Variants in MRPL35 observed in about 807,000 individuals in gnomAD.
MRPL35 encodes the protein large ribosomal subunit protein bL35m.
A neutral mutation model predicts 21.6 loss-of-function variants in MRPL35; 18 were observed. That is an observed-to-expected ratio of 0.83 (90% CI 0.58 to 1.24). MRPL35 has a LOEUF of 1.24. MRPL35 is among the 50% of genes most tolerant of loss of function. MRPL35 has a pLI of 0.00. For missense variants in MRPL35, 223 were observed against 223.2 expected (o/e 1.00, Z 0.01); for synonymous variants, 87 against 86.9 (o/e 1.00, Z -0.01).
In MRPL35 at chr2:86,211,347, A is replaced by C. The variant is rs1673898720; in HGVS notation, c.*679A>C. On this transcript the variant is annotated 3_prime_UTR_variant, in exon 4 of 4. Coordinates refer to ENST00000337109, the MANE Select transcript of MRPL35 (RefSeq NM_016622.4). The stretch of plus-strand genomic sequence containing the variant: ...TGCCAAGGGAATTTAACTGGGCCAG[A>C]CTACCTTTTTATACTAGGTCTGGTT... 1.0e-6 allele frequency: 1 copy of C among 962,506 alleles called. No homozygotes were observed. Among genetic ancestry groups the C allele is most frequent in the Non-Finnish European group, 1.2e-6 (1 of 809,286 alleles). The allele number at this position is 962,506 out of a possible 1,614,324, so 59.6% of individuals were successfully genotyped here. A position where few individuals can be genotyped will look rare whatever the true frequency, so the allele number is the denominator to read the frequency against.
rs373345019 is a variant in MRPL35 at position 86,207,173 on chromosome 2, A to G, written c.234-10A>G. ...GATTACAAGCTAAAAATTTTAAAAT[A>G]TATTTTTAGAATGGCCCCCGTGCTT... On this transcript the variant is annotated splice_polypyrimidine_tract_variant and intron_variant, in intron 2 of 3. Coordinates refer to ENST00000337109, the MANE Select transcript of MRPL35 (RefSeq NM_016622.4). 5.5e-5 allele frequency: 87 copies of G among 1,578,430 alleles called. 1 individual carries two copies. In the African/African-American group the frequency reaches 8.8e-4, roughly 16 times the overall value.
At chr2:86,201,981 T>G (rs988363174) in intron 1 of MRPL35, among the ~76,000 whole-genome samples, 1 of 152,238 alleles carries the variant, frequency 6.6e-6, no homozygotes, top group Non-Finnish European at 1.5e-5. Context: ...TGTGAAAACA[T>G]CTGTATTCTC....
intron 3 of MRPL35, among the ~76,000 whole-genome samples, chr2:86,209,388 A>G (rs575638829): frequency 6.6e-6 from 1 of 152,360 alleles, no homozygotes; most frequent in Admixed American, 6.5e-5. Context: ...CCAAGGGCTC[A>G]CCGTGTGGTT....
chr2:86,203,672 G>A (rs1673735110), intron 1 of MRPL35, among the ~76,000 whole-genome samples: 1 of 152,044 alleles, frequency 6.6e-6, no homozygotes, highest in African/African-American at 2.4e-5. Flanking sequence ...TCTGCCATTA[G>A]CATTCATTAA....
chr2:86,201,396 C>T (rs770114162), intron 1 of MRPL35, among the ~76,000 whole-genome samples: 1 of 151,928 alleles, frequency 6.6e-6, no homozygotes, highest in Non-Finnish European at 1.5e-5. Context: ...GATTGTTTGT[C>T]TTATTTATTT....
intron 1 of MRPL35, among the ~76,000 whole-genome samples, chr2:86,203,550 A>G (rs1463569347): frequency 6.6e-6 from 1 of 152,248 alleles, no homozygotes; most frequent in Non-Finnish European, 1.5e-5. Context: ...TCCCATCTCC[A>G]AGATATCTCC....
chr2:86,209,955 C>T (rs1277619902), intron 3 of MRPL35, among the ~76,000 whole-genome samples: 2 of 152,108 alleles, frequency 1.3e-5, no homozygotes, highest in African/African-American at 2.4e-5. Flanking sequence ...CTGCAGTGAC[C>T]GTGATCATGC....
intron 3 of MRPL35, among the ~76,000 whole-genome samples, chr2:86,208,764 A>C (rs1432835021): frequency 2.0e-5 from 3 of 152,160 alleles, no homozygotes; most frequent in Admixed American, 6.5e-5. Flanking sequence ...CTCCAGTCAT[A>C]ATACCTAGCT....
chr2:86,201,411 T>C (rs6547664), intron 1 of MRPL35, among the ~76,000 whole-genome samples: 6,750 of 152,254 alleles, frequency 0.044, 515 homozygotes, highest in African/African-American at 0.15. Context: ...TTATTTAGAG[T>C]ATTTTTTGTT....
In MRPL35 at chr2:86,213,180, A is replaced by G. The variant is rs1312582547; in HGVS notation, c.*2512A>G. On this transcript the variant is annotated 3_prime_UTR_variant, in exon 4 of 4. Coordinates refer to ENST00000337109, the MANE Select transcript of MRPL35 (RefSeq NM_016622.4). ...ATGAAAATTCATATCTAAATCAACA[A>G]GTGACTGTAATCTGGTACTATAAAT... The G allele has an allele frequency of 1.0e-6, 1 of 988,258 alleles. No individual in the cohort carries two copies. Among genetic ancestry groups the G allele is most frequent in the Non-Finnish European group, 1.2e-6 (1 of 831,692 alleles). The allele number at this position is 988,258 out of a possible 1,614,324, so 61.2% of individuals were successfully genotyped here.
chr2:86,208,656 A>G (rs575503890), intron 3 of MRPL35, among the ~76,000 whole-genome samples: 1 of 152,226 alleles, frequency 6.6e-6, no homozygotes, highest in South Asian at 2.1e-4. Flanking sequence ...TTCTAGCCCT[A>G]GGTAAAATGA....
intron 1 of MRPL35, among the ~76,000 whole-genome samples, chr2:86,203,854 C>G (rs1184538994): frequency 6.6e-6 from 1 of 152,118 alleles, no homozygotes; most frequent in Non-Finnish European, 1.5e-5. Flanking sequence ...AATATGAGCC[C>G]AAATCATCTC....
At chr2:86,201,565 TG>T (rs763400107) in intron 1 of MRPL35, among the ~76,000 whole-genome samples, 25 of 152,222 alleles carry the variant, frequency 1.6e-4, no homozygotes, top group Non-Finnish European at 1.8e-4. Context: ...AAATAGATGA[TG>T]TAGGTAGTTA....
rs543769249 is a variant in MRPL35 at position 86,210,328 on chromosome 2, G to A, written c.379-152G>A. 1.4e-4 allele frequency: 10 copies of A among 72,204 alleles called. No individual in the cohort carries two copies. The East Asian group carries it at 3.0e-3, about 22-fold the overall frequency. 4.5% of individuals were successfully genotyped at this position (72,204 alleles called of 1,614,324 possible). On this transcript the variant is annotated intron_variant, in intron 3 of 3. Coordinates refer to ENST00000337109, the MANE Select transcript of MRPL35 (RefSeq NM_016622.4). Reference sequence around the variant, plus strand: ...CCTCCCCGCCACCCTCCCTTCCCCCGGCCATTGAGAATCACATCTTTCCAA... The same window carrying A: ...CCTCCCCGCCACCCTCCCTTCCCCCAGCCATTGAGAATCACATCTTTCCAA...
chr2:86,206,471 G>A (rs1257538644), intron 2 of MRPL35, among the ~76,000 whole-genome samples, 176 bp downstream of exon 2: 2 of 152,124 alleles, frequency 1.3e-5, no homozygotes, highest in African/African-American at 4.8e-5. Flanking sequence ...TAGCTGGAAA[G>A]TTCTGGGATT....
intron 3 of MRPL35, among the ~76,000 whole-genome samples, chr2:86,209,155 G>T (rs1250956231): frequency 1.3e-5 from 2 of 152,196 alleles, no homozygotes; most frequent in Non-Finnish European, 2.9e-5. Context: ...TTAAATGTTT[G>T]CATTTAAAAT....
Position 86,199,461 on chromosome 2 carries a change from C to G in MRPL35, c.-30C>G. On this transcript the variant is annotated 5_prime_UTR_variant, in exon 1 of 4. Transcript: ENST00000337109. Reference sequence around the variant, plus strand: ...CTCTTTTGCTCTTGTGCTTTTAAACCCAAAGCGGCCGCCGTAGGCGAAGGT... The same window carrying G: ...CTCTTTTGCTCTTGTGCTTTTAAACGCAAAGCGGCCGCCGTAGGCGAAGGT... 6.2e-7 allele frequency: 1 copy of G among 1,613,910 alleles called. No individual in the cohort carries two copies. Among genetic ancestry groups the G allele is most frequent in the Non-Finnish European group, 8.5e-7 (1 of 1,179,990 alleles).
Position 86,212,244 on chromosome 2 carries a change from G to C in MRPL35, c.*1576G>C. On this transcript the variant is annotated 3_prime_UTR_variant, in exon 4 of 4. Transcript: ENST00000337109. ...TTATTAGGGAGATTCCTCGAAACTA[G>C]TGTGTGTTTATTAAAAGGAGAAAGG... is the stretch of plus-strand genomic sequence containing the variant. 7.2e-7 allele frequency: 1 copy of C among 1,384,202 alleles called. No individual in the cohort carries two copies. Among genetic ancestry groups the C allele is most frequent in the Non-Finnish European group, 9.4e-7 (1 of 1,066,376 alleles). 85.7% of individuals were successfully genotyped at this position (1,384,202 alleles called of 1,614,324 possible).
intron 2 of MRPL35, among the ~76,000 whole-genome samples, chr2:86,206,535 G>A (rs1673797989): frequency 6.6e-6 from 1 of 152,166 alleles, no homozygotes; most frequent in Admixed American, 6.5e-5. Context: ...TAAACATGAT[G>A]CTTAGACAAA....
Sources: gnomAD v4.1 joint callset for allele counts (sites outside exome capture counted in the v4.1 genomes callset) on GRCh38, gnomAD v4.1.1 for gene constraint, MANE v1.5 for transcripts, NCBI Gene and HGNC (gene_info 2026-07-23, HGNC 2026-07-21) for gene names.